Variants in FANCD2 observed in about 807,000 individuals in gnomAD.
FANCD2 encodes the protein FA complementation group D2.
Under a neutral mutation model 192.3 loss-of-function variants are expected in FANCD2, and 131 were observed. That is an observed-to-expected ratio of 0.68 (90% CI 0.59 to 0.79). The LOEUF (loss-of-function observed/expected upper bound fraction) is 0.79. Among genes scored for constraint, FANCD2 ranks in the 30% least tolerant of loss-of-function variants. The pLI is 0.00. For synonymous variants in FANCD2, 524 were observed against 612.5 expected (o/e 0.86, Z 2.13); for missense variants, 1,508 against 1,701.6 (o/e 0.89, Z 2.00).
intron 32 of FANCD2, among the ~76,000 whole-genome samples, chr3:10,083,354 A>G (rs1411302619): frequency 6.6e-6 from 1 of 152,248 alleles, no homozygotes. Flanking sequence ...AGGAAATGCA[A>G]ATTAAAAGCA....
At chr3:10,029,180 G>A (rs1020468224) in intron 2 of FANCD2, among the ~76,000 whole-genome samples, 3 of 152,168 alleles carry the variant, frequency 2.0e-5, no homozygotes, top group Non-Finnish European at 4.4e-5. Flanking sequence ...AGAAATAGTT[G>A]ACAAAGATCC....
chr3:10,076,939 T>G (rs1336318718), intron 29 of FANCD2, among the ~76,000 whole-genome samples: 1 of 152,084 alleles, frequency 6.6e-6, no homozygotes, highest in Non-Finnish European at 1.5e-5. Context: ...TTAGTAGAGA[T>G]GGGATTTCAC....
intron 7 of FANCD2, among the ~76,000 whole-genome samples, chr3:10,038,076 T>C (rs1425648564): frequency 2.0e-5 from 3 of 152,130 alleles, no homozygotes; most frequent in Non-Finnish European, 2.9e-5. Context: ...CTGCAACCTC[T>C]GCCTCCTGGG....
At chr3:10,078,937 C>T (rs929127860) in intron 30 of FANCD2, among the ~76,000 whole-genome samples, 1 of 144,314 alleles carries the variant, frequency 6.9e-6, no homozygotes, top group East Asian at 2.0e-4. Flanking sequence ...TGACAGATTT[C>T]GTCTCAAACA....
intron 18 of FANCD2, among the ~76,000 whole-genome samples, chr3:10,054,484 T>A (rs1308824407): frequency 3.2e-5 from 2 of 61,570 alleles, no homozygotes; most frequent in East Asian, 3.8e-4. Flanking sequence ...TTTTTTTTTT[T>A]TTTTTTTTTT....
chr3:10,051,429 T>C (rs2087212888), intron 17 of FANCD2, among the ~76,000 whole-genome samples: 1 of 182 alleles, frequency 5.5e-3, no homozygotes, highest in Admixed American at 0.042. Context: ...GAGGGATTTA[T>C]CTCCCAGTGT....
chr3:10,099,998 C>G (rs1004467309), intron 43 of FANCD2, among the ~76,000 whole-genome samples: 10 of 151,928 alleles, frequency 6.6e-5, no homozygotes, highest in Admixed American at 2.6e-4. Context: ...AATTTCAAGA[C>G]CAACCCGAGA....
intron 29 of FANCD2, among the ~76,000 whole-genome samples, chr3:10,076,713 C>T (rs749023278): frequency 2.0e-5 from 3 of 151,994 alleles, no homozygotes; most frequent in Non-Finnish European, 4.4e-5. Flanking sequence ...CTACACCCGG[C>T]TAGTTTTTTT....
rs1277539650 is a variant in FANCD2, at chr3:10,054,947, C to CAGTTCTGT, written c.1656+2453_1656+2460dup. ...TCAGTGAAAAATAACTCTCACTTCT[C>CAGTTCTGT]AGTTCTGTAGGCACCTGGTTTGTCT... is the stretch of plus-strand genomic sequence containing the variant. On this transcript the variant is annotated intron_variant, in intron 18 of 43. Transcript: ENST00000675286. 2.6e-5 allele frequency among the ~76,000 whole-genome samples: 4 copies of CAGTTCTGT among 151,930 alleles called. No individual in the cohort carries two copies. In the East Asian group the frequency reaches 5.8e-4, roughly 22 times the overall value.
At chr3:10,063,003 G>A (rs773490965) in intron 20 of FANCD2, among the ~76,000 whole-genome samples, 1 of 152,132 alleles carries the variant, frequency 6.6e-6, no homozygotes, top group Non-Finnish European at 1.5e-5. Flanking sequence ...TCCCAGGCCA[G>A]TTGCATTTAT....
Position 10,078,179 on chromosome 3 carries a change from G to A in FANCD2, c.2958G>A (p.Arg986=). The A allele has an allele frequency of 1.9e-6, 3 of 1,609,966 alleles. No individual in the cohort carries two copies. Among genetic ancestry groups the A allele is most frequent in the Non-Finnish European group, 2.6e-6 (3 of 1,176,368 alleles). Residue 986 remains arginine, a synonymous_variant, in exon 30 of 44, where the codon AGG becomes AGA. Transcript: ENST00000675286. ...LESMLTPPIA[R]RVPFLKNKGS... Reference sequence around the variant, plus strand: ...GTATGCTGACACCTCCTATTGCCAGGAGAGTCCCCTTTCTCAAGGTTAGTG... The same window carrying A: ...GTATGCTGACACCTCCTATTGCCAGAAGAGTCCCCTTTCTCAAGGTTAGTG...
intron 26 of FANCD2, among the ~76,000 whole-genome samples, chr3:10,072,262 A>G (rs1473855736): frequency 1.3e-5 from 2 of 151,106 alleles, no homozygotes. Context: ...TGCGCCATAA[A>G]TATATATATA....
Position 10,088,547 on chromosome 3 carries a change from G to T in FANCD2, c.3560+5G>T. 6.3e-7 allele frequency: 1 copy of T among 1,587,332 alleles called. No individual in the cohort carries two copies. The highest frequency in any genetic ancestry group is 2.2e-5 in the East Asian group (1 of 44,756). The stretch of plus-strand genomic sequence containing the variant: ...CCAGCTCCATGCTCTGCTCTGGTGA[G>T]ATGTTTGGTTTCTTCCAATGAGCCA... On this transcript the variant is annotated splice_donor_5th_base_variant and intron_variant, in intron 35 of 43. Coordinates refer to ENST00000675286, the MANE Select transcript of FANCD2 (RefSeq NM_001018115.3).
intron 42 of FANCD2, among the ~76,000 whole-genome samples, chr3:10,096,799 A>C (rs768467457): frequency 2.6e-5 from 4 of 152,172 alleles, no homozygotes; most frequent in Non-Finnish European, 5.9e-5. Flanking sequence ...TCATAATAAC[A>C]TTTTTGTATA....
rs36080989 is a variant in FANCD2, at chr3:10,043,197, C to T, written c.989+47C>T. 8.3e-4 allele frequency: 1,168 copies of T among 1,400,152 alleles called. 2 individuals are homozygous for T. Among genetic ancestry groups the T allele is most frequent in the South Asian group, 2.0e-3 (173 of 86,610 alleles). The allele number at this position is 1,400,152 out of a possible 1,614,324, so 86.7% of individuals were successfully genotyped here. A position where few individuals can be genotyped will look rare whatever the true frequency, so the allele number is the denominator to read the frequency against. ...AGGATGTCACAATTTTCTGACATCCCACTGTCAGAGTTAGAGCTTAATACT... is the reference window on the plus strand; with the variant it reads ...AGGATGTCACAATTTTCTGACATCCTACTGTCAGAGTTAGAGCTTAATACT... On this transcript the variant is annotated intron_variant, in intron 12 of 43. Transcript: ENST00000675286.
At chr3:10,054,363 ATATACGTG>A (rs1559383005) in intron 18 of FANCD2, among the ~76,000 whole-genome samples, 5 of 109,270 alleles carry the variant, frequency 4.6e-5, no homozygotes, top group African/African-American at 2.8e-4. Context: ...GTATATATAT[ATATACGTG>A]TATATACATA....
intron 43 of FANCD2, chr3:10,099,055 A>C (rs1695150177): frequency 6.3e-7 from 1 of 1,587,306 alleles, no homozygotes; most frequent in African/African-American, 1.3e-5. Flanking sequence ...TAGAGTTGAC[A>C]ATTTTCTGCA....
Position 10,099,281 on chromosome 3 carries a change from G to A in FANCD2, c.4281+466G>A, listed in dbSNP as rs184093842. On this transcript the variant is annotated intron_variant, in intron 43 of 43. Transcript: ENST00000675286. ...CTGAAATAAAAATAGAAGTTCTTACGCTTTTTTGTGGTACAGATGCTTTCG... is the reference window on the plus strand; with the variant it reads ...CTGAAATAAAAATAGAAGTTCTTACACTTTTTTGTGGTACAGATGCTTTCG... 100 of 1,267,568 alleles carry A rather than the reference G, an allele frequency of 7.9e-5. No homozygotes were observed. The African/African-American group carries it at 1.3e-3, about 16-fold the overall frequency. 78.5% of individuals were successfully genotyped at this position (1,267,568 alleles called of 1,614,324 possible).
At chr3:10,070,313 C>G (rs1208412416) in intron 26 of FANCD2, among the ~76,000 whole-genome samples, 1 of 150,104 alleles carries the variant, frequency 6.7e-6, no homozygotes, top group East Asian at 2.0e-4. Context: ...CGGCAGCCAC[C>G]CCGTCCGGGA....
Sources: allele counts gnomAD v4.1 joint callset (sites outside exome capture counted in the v4.1 genomes callset), GRCh38; gene constraint gnomAD v4.1.1; transcripts MANE v1.5; gene names NCBI Gene and HGNC (gene_info 2026-07-23, HGNC 2026-07-21).